The following HECTD4 variants were observed in gnomAD, a reference collection of about 807,000 sequenced individuals.
HECTD4 encodes HECT domain E3 ubiquitin protein ligase 4.
In HECTD4, 114 loss-of-function variants were observed where a neutral mutation model predicts 471.5. The ratio of observed to expected loss-of-function variants is 0.24; its 90% CI spans 0.21 to 0.28. The LOEUF is 0.28. HECTD4 is among the 10% of genes least tolerant of loss of function. HECTD4 has a pLI of 1.00. For missense variants in HECTD4, 3,866 were observed against 5,651.5 expected, an observed-to-expected ratio of 0.68 and a Z score of 10.13; for synonymous variants, 2,012 against 2,256.0, an observed-to-expected ratio of 0.89 and a Z score of 3.07.
intron 11 of HECTD4, among the ~76,000 whole-genome samples, chr12:112,272,044 T>C (rs2034424677): frequency 6.6e-6 from 1 of 152,162 alleles, no homozygotes; most frequent in Non-Finnish European, 1.5e-5. Context: ...AATTTTATCT[T>C]ATTTTATTTT....
At chr12:112,200,433 C>T (rs943376304) in intron 55 of HECTD4, among the ~76,000 whole-genome samples, 2 of 152,156 alleles carry the variant, frequency 1.3e-5, no homozygotes, top group African/African-American at 2.4e-5. Flanking sequence ...GGATTACAGG[C>T]GTGAGCTACC....
chr12:112,302,280 T>G (rs2035180992), intron 7 of HECTD4: 1 of 854,368 alleles, frequency 1.2e-6, no homozygotes, highest in East Asian at 2.5e-5. Context: ...GGTGGTCTCT[T>G]AGTGGGGACG....
Position 112,382,362 on chromosome 12 carries a change from T to C in HECTD4, c.-234A>G. ...GCCGCCGCCGCCGCCGCCGCCGCCCTCAGGAGCAGGATCCGCCTCTGCCGC... is the reference window on the plus strand; with the variant it reads ...GCCGCCGCCGCCGCCGCCGCCGCCCCCAGGAGCAGGATCCGCCTCTGCCGC... On this transcript the variant is annotated 5_prime_UTR_variant, in exon 1 of 76. Transcript: ENST00000682272. The C allele has an allele frequency of 8.2e-6, 3 of 367,324 alleles. No homozygotes were observed. The highest frequency in any genetic ancestry group is 4.7e-5 in the Admixed American group (1 of 21,142). 22.8% of individuals were successfully genotyped at this position (367,324 alleles called of 1,614,324 possible). A position where few individuals can be genotyped will look rare whatever the true frequency, so the allele number is the denominator to read the frequency against.
At chr12:112,376,716 C>T (rs1174895990) in intron 1 of HECTD4, among the ~76,000 whole-genome samples, 1 of 152,168 alleles carries the variant, frequency 6.6e-6, no homozygotes, top group Admixed American at 6.5e-5. Context: ...CTCTTGCTGT[C>T]GTCTCTGTAT....
intron 1 of HECTD4, among the ~76,000 whole-genome samples, chr12:112,372,104 CTTTTT>C (rs538069859): frequency 7.4e-6 from 1 of 135,842 alleles, no homozygotes; most frequent in Non-Finnish European, 1.6e-5. Flanking sequence ...ATAATCACAT[CTTTTT>C]TTTTTTTTTT....
rs763140113 is a variant in HECTD4, at chr12:112,228,270, G to T, written c.6685-12C>A. The T allele has an allele frequency of 3.9e-6, 6 of 1,553,512 alleles. No homozygotes were observed. Among genetic ancestry groups the T allele is most frequent in the South Asian group, 1.2e-5 (1 of 81,376 alleles). The stretch of plus-strand genomic sequence containing the variant: ...TGAAGAGGCAATGCCTGATGGCGGT[G>T]GGGGGGCATGGCAAAAAGTTAAATT... On this transcript the variant is annotated splice_polypyrimidine_tract_variant and intron_variant, in intron 42 of 75. Coordinates refer to ENST00000682272, the MANE Select transcript of HECTD4 (RefSeq NM_001388303.1). This position sits in a 1 kb window ranked among gnomAD's most constrained non-coding sequence, Gnocchi z 4.9.
chr12:112,259,545 C>T (rs1330852857), intron 18 of HECTD4, among the ~76,000 whole-genome samples: 1 of 127,152 alleles, frequency 7.9e-6, no homozygotes, highest in Admixed American at 8.4e-5. Context: ...TTTTGACAGG[C>T]TCTCACTCTT....
rs947037000 is a variant in HECTD4, at chr12:112,185,002, C to G, written c.9964G>C (p.Ala3322Pro). The stretch of plus-strand genomic sequence containing the variant: ...GACTGGCGCTTGCCCGACGAGGAGG[C>G]CTTTTCCCGCTTCATCTTGACTTTT... ...RKKVKMKREK[A>P]SSSGKRQSSR... The change falls in exon 61 of 76, where the codon GCC becomes CCC. Residue 3322 changes from alanine (A) to proline (P), a missense_variant. Coordinates refer to ENST00000682272, the MANE Select transcript of HECTD4 (RefSeq NM_001388303.1). 12 of 1,609,660 alleles carry G rather than the reference C, an allele frequency of 7.5e-6. No individual in the cohort carries two copies. Among genetic ancestry groups the G allele is most frequent in the African/African-American group, 1.3e-5 (1 of 74,882 alleles).
rs1338822890 is a variant in HECTD4, at chr12:112,193,842, G to A, written c.8750-168C>T. On this transcript the variant is annotated intron_variant, in intron 56 of 75. Coordinates refer to ENST00000682272, the MANE Select transcript of HECTD4 (RefSeq NM_001388303.1). This position sits in a 1 kb window ranked among gnomAD's most constrained non-coding sequence, Gnocchi z 5.2. ...CCGGCAATCAGATCCTCTGCACCAGGATGGTGGAGGGGGACCCAGGAGATC... is the reference window on the plus strand; with the variant it reads ...CCGGCAATCAGATCCTCTGCACCAGAATGGTGGAGGGGGACCCAGGAGATC... Among the ~76,000 whole-genome samples the A allele has an allele frequency of 6.6e-6, 1 of 152,210 alleles. No homozygotes were observed. Among genetic ancestry groups the A allele is most frequent in the Non-Finnish European group, 1.5e-5 (1 of 68,030 alleles).
intron 1 of HECTD4, among the ~76,000 whole-genome samples, chr12:112,351,251 T>C (rs1594066824): frequency 6.6e-6 from 1 of 152,206 alleles, no homozygotes; most frequent in East Asian, 1.9e-4. Context: ...AAGCTTACTG[T>C]AAGATGAGCA....
intron 1 of HECTD4, among the ~76,000 whole-genome samples, chr12:112,350,095 C>T (rs1181395246): frequency 6.6e-6 from 1 of 152,098 alleles, no homozygotes; most frequent in Non-Finnish European, 1.5e-5. Context: ...GCTGGTCCCA[C>T]AGGCGCGCAC....
intron 1 of HECTD4, among the ~76,000 whole-genome samples, chr12:112,359,182 C>CA (rs879580703): frequency 0.011 from 1,337 of 125,330 alleles, 20 homozygotes; most frequent in African/African-American, 0.033. Flanking sequence ...GACTCCGTCT[C>CA]AAAAAAAAAA....
At chr12:112,339,715 C>A (rs928701024) in intron 1 of HECTD4, among the ~76,000 whole-genome samples, 14 of 152,208 alleles carry the variant, frequency 9.2e-5, no homozygotes, top group African/African-American at 3.4e-4. Context: ...GATGTGCTTA[C>A]ATCTAGATAA....
chr12:112,252,407 T>C lies in HECTD4; in HGVS notation c.3552+17A>G. 6.4e-7 allele frequency: 1 copy of C among 1,574,414 alleles called. No individual in the cohort carries two copies. The highest frequency in any genetic ancestry group is 8.6e-7 in the Non-Finnish European group (1 of 1,164,476). Reference sequence around the variant, plus strand: ...AGATAGTACATTTTGTCCACGGCAGTGGTTAGATTCAAGTACCTGAGCGCG... The same window carrying C: ...AGATAGTACATTTTGTCCACGGCAGCGGTTAGATTCAAGTACCTGAGCGCG... On this transcript the variant is annotated intron_variant, in intron 23 of 75. Coordinates refer to ENST00000682272, the MANE Select transcript of HECTD4 (RefSeq NM_001388303.1).
intron 1 of HECTD4, among the ~76,000 whole-genome samples, chr12:112,359,374 C>G (rs1226716131): frequency 4.6e-5 from 7 of 152,178 alleles, no homozygotes; most frequent in Admixed American, 4.6e-4. Flanking sequence ...GACCACCCCC[C>G]TCCCCAGCAA....
chr12:112,287,442 C>T (rs938299983), intron 7 of HECTD4, among the ~76,000 whole-genome samples: 1 of 152,154 alleles, frequency 6.6e-6, no homozygotes, highest in African/African-American at 2.4e-5. Context: ...GAGGGGAAGA[C>T]TCTTAGTGTG....
At chr12:112,321,795 C>T (rs967415852) in intron 1 of HECTD4, 8 of 150,986 alleles carry the variant, frequency 5.3e-5, no homozygotes, top group African/African-American at 1.9e-4. Context: ...AACACAAAAC[C>T]AAAACAAAAG....
In HECTD4 at chr12:112,228,585, G is replaced by T; in HGVS notation, c.6684+62C>A. ...TGCTTCTGCACTGAGCATGTGCATA[G>T]ACTCATTACAGTACAGTTACCATTG... is the stretch of plus-strand genomic sequence containing the variant. On this transcript the variant is annotated intron_variant, in intron 42 of 75. Transcript: ENST00000682272. The surrounding 1 kb of genome is among the most constrained non-coding windows in gnomAD (Gnocchi z 4.9). The T allele has an allele frequency of 7.0e-7, 1 of 1,423,252 alleles. No homozygotes were observed. The highest frequency in any genetic ancestry group is 9.6e-7 in the Non-Finnish European group (1 of 1,043,288). The allele number at this position is 1,423,252 out of a possible 1,614,324, so 88.2% of individuals were successfully genotyped here.
rs772373149 is a variant in HECTD4 at position 112,261,425 on chromosome 12, A to C, written c.2753T>G (p.Leu918Arg). 61 of 1,602,852 alleles carry C rather than the reference A, an allele frequency of 3.8e-5. No individual in the cohort carries two copies. The South Asian group carries it at 6.5e-4, about 17-fold the overall frequency. Residue 918 changes from leucine (L) to arginine (R), a missense_variant, in exon 18 of 76, where the codon CTA becomes CGA. Leu to Arg is a moderately radical substitution (Grantham distance 102). Transcript: ENST00000682272. ...LQGETLKVQE[L>R]KVSILALATQ... ...GGCAAGAGCCAAAATACTGACTTTT[A>C]GCTCCTAGGCAGAAAATATCATCAT...
Sources: allele counts gnomAD v4.1 joint callset (sites outside exome capture counted in the v4.1 genomes callset), GRCh38; gene constraint gnomAD v4.1.1; non-coding constraint Gnocchi (gnomAD v3.1); transcripts MANE v1.5; gene names NCBI Gene and HGNC (gene_info 2026-07-23, HGNC 2026-07-21).